Variants in STEAP3 observed in about 807,000 individuals in gnomAD.
STEAP3 encodes the protein STEAP3 metalloreductase, also known as metalloreductase STEAP3.
In STEAP3, 35 loss-of-function variants were observed where a neutral mutation model predicts 34.9. The ratio of observed to expected loss-of-function variants is 1.00; its 90% CI spans 0.76 to 1.33. The LOEUF (loss-of-function observed/expected upper bound fraction) is 1.33, where lower values mean the gene tolerates loss of function less well. Ranked by LOEUF, STEAP3 falls within the 40% of genes most tolerant of loss-of-function variation. The pLI, the probability that STEAP3 is intolerant of heterozygous loss-of-function variation, is 0.00. For missense variants in STEAP3, 652 were observed against 667.6 expected, an observed-to-expected ratio of 0.98 and a Z score of 0.26; for synonymous variants, 281 against 301.6, an observed-to-expected ratio of 0.93 and a Z score of 0.71.
chr2:119,239,097 G>A (rs1677169761), intron 2 of STEAP3, among the ~76,000 whole-genome samples: 1 of 152,132 alleles, frequency 6.6e-6, no homozygotes, highest in African/African-American at 2.4e-5. Flanking sequence ...GCCCTTGAGG[G>A]AAAATCGGTA....
intron 5 of STEAP3, among the ~76,000 whole-genome samples, chr2:119,262,742 T>C (rs1677979139): frequency 6.6e-6 from 1 of 152,182 alleles, no homozygotes; most frequent in African/African-American, 2.4e-5. Context: ...CCTCCAGAGA[T>C]AACAAATAAC....
chr2:119,233,426 C>G (rs1050214824), intron 2 of STEAP3, among the ~76,000 whole-genome samples: 53 of 152,304 alleles, frequency 3.5e-4, no homozygotes, highest in African/African-American at 1.3e-3. Context: ...ACAATGTCAC[C>G]AAGCTGCAGA....
intron 2 of STEAP3, chr2:119,239,371 G>C (rs772522387): frequency 2.0e-5 from 3 of 152,812 alleles, no homozygotes; most frequent in Non-Finnish European, 4.4e-5. Context: ...AGGTTCAAGC[G>C]ATTCTCCTGC....
intron 2 of STEAP3, among the ~76,000 whole-genome samples, chr2:119,243,589 G>A (rs1016436682): frequency 6.6e-6 from 1 of 152,226 alleles, no homozygotes; most frequent in African/African-American, 2.4e-5. Flanking sequence ...AGGCCTGACA[G>A]CAGCAATGGG....
chr2:119,234,781 T>C (rs148798246), intron 2 of STEAP3, among the ~76,000 whole-genome samples: 5 of 152,338 alleles, frequency 3.3e-5, no homozygotes, highest in Non-Finnish European at 5.9e-5. Context: ...CCTCCTAAAG[T>C]TGTGCAGCAT....
chr2:119,235,833 G>A (rs934677159), intron 2 of STEAP3, among the ~76,000 whole-genome samples: 19 of 152,192 alleles, frequency 1.2e-4, no homozygotes, highest in African/African-American at 4.6e-4. Context: ...TGGCATGACT[G>A]TCCTCGGCAG....
At position 119,236,489 on chromosome 2, in the gene STEAP3, G is replaced by A. The variant is rs114783565; in HGVS notation, c.22+5455G>A. Reference sequence around the variant, plus strand: ...CTGAATAAATCCAGAGTGTTCTAACGTTTTGCTGAGCCCGTGTCCTGTTGG... The same window carrying A: ...CTGAATAAATCCAGAGTGTTCTAACATTTTGCTGAGCCCGTGTCCTGTTGG... On this transcript the variant is annotated intron_variant, in intron 2 of 5. Coordinates refer to ENST00000393110, the MANE Select transcript of STEAP3 (RefSeq NM_182915.3). Among the ~76,000 whole-genome samples the A allele has an allele frequency of 3.9e-3, 593 of 152,236 alleles. 1 individual carries two copies. The highest frequency in any genetic ancestry group is 0.013 in the African/African-American group (554 of 41,554).
At position 119,245,799 on chromosome 2, in the gene STEAP3, T is replaced by C; in HGVS notation, c.333T>C (p.Ser111=). 1 of 1,614,184 alleles carries C rather than the reference T, an allele frequency of 6.2e-7. No homozygotes were observed. The highest frequency in any genetic ancestry group is 1.1e-5 in the South Asian group (1 of 91,082). The change falls in exon 3 of 6, where the codon AGT becomes AGC. Residue 111 remains serine, a synonymous_variant. Coordinates refer to ENST00000393110, the MANE Select transcript of STEAP3 (RefSeq NM_182915.3). ...VFREHYSSLC[S]LSDQLAGKIL... ...GGGAGCACTACTCTTCACTGTGCAG[T>C]CTCAGTGACCAGCTGGCGGGCAAGA...
At chr2:119,233,111 C>T (rs1676995996) in intron 2 of STEAP3, among the ~76,000 whole-genome samples, 1 of 152,216 alleles carries the variant, frequency 6.6e-6, no homozygotes, top group Non-Finnish European at 1.5e-5. Context: ...AGCTGGGCCT[C>T]ACCTGCCCTG....
intron 2 of STEAP3, among the ~76,000 whole-genome samples, chr2:119,243,403 G>A (rs1310628248): frequency 6.6e-6 from 1 of 152,200 alleles, no homozygotes; most frequent in African/African-American, 2.4e-5. Flanking sequence ...GTGAGGCTCT[G>A]ACTGCCGAGG....
At chr2:119,249,996 G>A (rs1677574949) in intron 4 of STEAP3, among the ~76,000 whole-genome samples, 1 of 152,178 alleles carries the variant, frequency 6.6e-6, no homozygotes, top group Non-Finnish European at 1.5e-5. Context: ...CTGTAGGCCA[G>A]GTGCTATTAT....
intron 2 of STEAP3, among the ~76,000 whole-genome samples, chr2:119,236,857 G>A (rs1677107610): frequency 1.3e-5 from 2 of 152,148 alleles, no homozygotes; most frequent in African/African-American, 4.8e-5. Context: ...ATCATCCCCT[G>A]GGCCCTGGAA....
intron 2 of STEAP3, among the ~76,000 whole-genome samples, chr2:119,240,518 A>G (rs1364752165): frequency 6.6e-6 from 1 of 152,228 alleles, no homozygotes; most frequent in Non-Finnish European, 1.5e-5. Flanking sequence ...AGAAGAGGCC[A>G]TGGGGCTGTG....
chr2:119,231,823 C>A (rs1162784890), intron 2 of STEAP3, among the ~76,000 whole-genome samples: 1 of 152,022 alleles, frequency 6.6e-6, no homozygotes, highest in African/African-American at 2.4e-5. Context: ...AGGGAAAATG[C>A]CCACAGAGAA....
chr2:119,226,485 G>A (rs149559245), intron 1 of STEAP3, among the ~76,000 whole-genome samples: 1 of 152,126 alleles, frequency 6.6e-6, no homozygotes, highest in Non-Finnish European at 1.5e-5. Flanking sequence ...GAGTTGGAAG[G>A]GTGTGTGCTT....
At chr2:119,258,472 C>T (rs79641858) in intron 5 of STEAP3, among the ~76,000 whole-genome samples, 11,342 of 151,962 alleles carry the variant, frequency 0.075, 439 homozygotes, top group Middle Eastern at 0.12. Flanking sequence ...TCAGACACTT[C>T]GTTTAGCTAA....
intron 5 of STEAP3, among the ~76,000 whole-genome samples, chr2:119,255,646 A>G (rs1349101079): frequency 3.9e-5 from 6 of 152,046 alleles, no homozygotes; most frequent in Non-Finnish European, 8.8e-5. Flanking sequence ...CCAGCTACTA[A>G]CAGAGGCTGA....
At chr2:119,244,364 G>A (rs1280571603) in intron 2 of STEAP3, 1 of 151,744 alleles carries the variant, frequency 6.6e-6, no homozygotes, top group African/African-American at 2.4e-5. Context: ...AATGTCCTGA[G>A]TAGCTGGGAC....
intron 2 of STEAP3, among the ~76,000 whole-genome samples, chr2:119,239,174 A>T (rs930942447): frequency 6.6e-6 from 1 of 152,220 alleles, no homozygotes; most frequent in Non-Finnish European, 1.5e-5. Context: ...TCCCAGTGAG[A>T]AGATACTCAG....
Sources: allele counts gnomAD v4.1 joint callset (sites outside exome capture counted in the v4.1 genomes callset), GRCh38; gene constraint gnomAD v4.1.1; transcripts MANE v1.5; gene names NCBI Gene and HGNC (gene_info 2026-07-23, HGNC 2026-07-21).